The following CSMD1 variants were observed in gnomAD, a reference collection of about 807,000 sequenced individuals.
The protein encoded by CSMD1 is CUB and sushi domain-containing protein 1.
In CSMD1, 213 loss-of-function variants were observed where a neutral mutation model predicts 417.5. That is an observed-to-expected ratio of 0.51 (90% CI 0.46 to 0.57). The LOEUF (loss-of-function observed/expected upper bound fraction) is 0.57. Among genes scored for constraint, CSMD1 ranks in the 20% least tolerant of loss-of-function variants. The pLI is 0.00. For missense variants in CSMD1, 6,923 were observed against 4,529.7 expected, an observed-to-expected ratio of 1.53 and a Z score of -15.17; for synonymous variants, 2,862 against 1,736.8, an observed-to-expected ratio of 1.65 and a Z score of -16.11.
At chr8:3,304,716 T>G (rs1248022365) in intron 25 of CSMD1, among the ~76,000 whole-genome samples, 1 of 39,042 alleles carries the variant, frequency 2.6e-5, no homozygotes, top group Non-Finnish European at 6.7e-5. Flanking sequence ...ATTCAAATAT[T>G]TTTTTATTTT....
At chr8:3,165,799 G>C (rs1325312962) in intron 37 of CSMD1, among the ~76,000 whole-genome samples, 2 of 152,062 alleles carry the variant, frequency 1.3e-5, no homozygotes, top group African/African-American at 2.4e-5. Flanking sequence ...TGTTAAAATA[G>C]GGCAAGAGTG....
chr8:4,954,630 T>A (rs1217978866), intron 1 of CSMD1, among the ~76,000 whole-genome samples: 1 of 152,208 alleles, frequency 6.6e-6, no homozygotes, highest in African/African-American at 2.4e-5. Context: ...AATAAAATCC[T>A]ACCAAAAGCA....
intron 49 of CSMD1, among the ~76,000 whole-genome samples, chr8:3,086,343 A>C (rs1443048235): frequency 6.6e-6 from 1 of 152,186 alleles, no homozygotes; most frequent in Non-Finnish European, 1.5e-5. Flanking sequence ...TGTCTGATCA[A>C]CTTCTTACAG....
At chr8:2,964,660 T>A (rs948363032) in intron 59 of CSMD1, among the ~76,000 whole-genome samples, 2 of 152,230 alleles carry the variant, frequency 1.3e-5, no homozygotes, top group African/African-American at 4.8e-5. Flanking sequence ...CGACACAACG[T>A]AGTGCATTTT....
Position 3,963,398 on chromosome 8 carries a change from T to C in CSMD1, c.818+34505A>G, listed in dbSNP as rs1005962525. The stretch of plus-strand genomic sequence containing the variant: ...TTCAGTAATATATGACATCCTATAC[T>C]CCATGGTTCCTAAGTAGCTTGAAAA... On this transcript the variant is annotated intron_variant, in intron 5 of 69. Transcript: ENST00000635120. Among the ~76,000 whole-genome samples, 25 of 152,278 alleles carry C rather than the reference T, an allele frequency of 1.6e-4. No individual in the cohort carries two copies. In the East Asian group the frequency reaches 2.1e-3, roughly 13 times the overall value.
At chr8:4,353,478 T>C (rs921639771) in intron 3 of CSMD1, among the ~76,000 whole-genome samples, 1 of 152,034 alleles carries the variant, frequency 6.6e-6, no homozygotes, top group Non-Finnish European at 1.5e-5. Context: ...AATAATACAT[T>C]CTTTAATTAA....
rs571984359 is a variant in CSMD1, at chr8:4,795,252, C to CTTTTTTT, written c.86-157701_86-157695dup. Among the ~76,000 whole-genome samples the CTTTTTTT allele has an allele frequency of 5.0e-4, 23 of 46,248 alleles. 6 individuals carry two copies. The highest frequency in any genetic ancestry group is 7.2e-4 in the East Asian group (1 of 1,386). The allele number at this position is 46,248 out of a possible 152,430, so 30.3% of individuals were successfully genotyped here. A position where few individuals can be genotyped will look rare whatever the true frequency, so the allele number is the denominator to read the frequency against. On this transcript the variant is annotated intron_variant, in intron 1 of 69. Coordinates refer to ENST00000635120, the MANE Select transcript of CSMD1 (RefSeq NM_033225.6). ...ATTTCTAGGTCTGCTGGTGTCATAG[C>CTTTTTTT]TTTTTTTTTTTTTTTTTTTTTTTTT... is the stretch of plus-strand genomic sequence containing the variant.
intron 51 of CSMD1, among the ~76,000 whole-genome samples, chr8:3,027,082 T>G (rs1013969465): frequency 6.6e-6 from 1 of 152,122 alleles, no homozygotes; most frequent in Non-Finnish European, 1.5e-5. Context: ...AAAAAAAGAT[T>G]GACAAGCCCT....
chr8:3,314,886 C>T (rs1805630310), intron 23 of CSMD1, among the ~76,000 whole-genome samples: 1 of 152,222 alleles, frequency 6.6e-6, no homozygotes, highest in Non-Finnish European at 1.5e-5. Flanking sequence ...ATACATTAGG[C>T]TGAACAACGA....
intron 5 of CSMD1, among the ~76,000 whole-genome samples, chr8:3,906,908 T>C (rs1157102638): frequency 2.0e-5 from 3 of 152,228 alleles, no homozygotes. Context: ...AACATTATCC[T>C]GAACTTGACA....
intron 25 of CSMD1, among the ~76,000 whole-genome samples, chr8:3,292,519 G>C (rs965585232): frequency 1.3e-5 from 2 of 152,166 alleles, no homozygotes; most frequent in East Asian, 3.9e-4. Flanking sequence ...TCCTGTATTG[G>C]GTACATATAT....
intron 1 of CSMD1, among the ~76,000 whole-genome samples, chr8:4,901,940 T>C (rs898731868): frequency 6.6e-6 from 1 of 152,174 alleles, no homozygotes; most frequent in Non-Finnish European, 1.5e-5. Context: ...CAGATATTGA[T>C]CTTCACAACC....
chr8:3,633,435 G>C (rs967854935), intron 7 of CSMD1, among the ~76,000 whole-genome samples: 11 of 152,134 alleles, frequency 7.2e-5, no homozygotes, highest in Admixed American at 1.3e-4. Context: ...ACTCCCGGCA[G>C]GATAATGCAA....
At chr8:4,538,462 G>A (rs1452030004) in intron 2 of CSMD1, among the ~76,000 whole-genome samples, 1 of 151,950 alleles carries the variant, frequency 6.6e-6, no homozygotes, top group East Asian at 1.9e-4. Context: ...GGTCGACATG[G>A]TGAAACCCTG....
chr8:2,999,767 G>T (rs531716445), intron 53 of CSMD1, among the ~76,000 whole-genome samples, 191 bp downstream of exon 53: 2 of 139,978 alleles, frequency 1.4e-5, no homozygotes, highest in African/African-American at 6.4e-5. Flanking sequence ...GAAACAAAAC[G>T]GGAAGGAGAT....
chr8:3,463,114 C>T (rs548287382), intron 12 of CSMD1, among the ~76,000 whole-genome samples: 3 of 152,310 alleles, frequency 2.0e-5, no homozygotes, highest in South Asian at 4.1e-4. Context: ...ATTCCATTGT[C>T]GCCAAGCCAA....
At chr8:4,792,059 A>T (rs1449672175) in intron 1 of CSMD1, among the ~76,000 whole-genome samples, 3 of 152,198 alleles carry the variant, frequency 2.0e-5, no homozygotes, top group African/African-American at 7.2e-5. Flanking sequence ...CCCAAGATTC[A>T]CTGCCTGGTT....
chr8:3,605,704 AAC>A (rs1323600308), intron 8 of CSMD1, among the ~76,000 whole-genome samples: 1 of 152,254 alleles, frequency 6.6e-6, no homozygotes, highest in Non-Finnish European at 1.5e-5. Flanking sequence ...TAAGACAAAG[AAC>A]AGATGTTATT....
At position 3,937,345 on chromosome 8, in the gene CSMD1, T is replaced by C. The variant is rs567975708; in HGVS notation, c.818+60558A>G. Among the ~76,000 whole-genome samples, 13 of 152,286 alleles carry C rather than the reference T, an allele frequency of 8.5e-5. No individual in the cohort carries two copies. In the South Asian group the frequency reaches 2.7e-3, roughly 32 times the overall value. On this transcript the variant is annotated intron_variant, in intron 5 of 69. Transcript: ENST00000635120. ...AGCAACACATGCTATATAGAAATAT[T>C]TCATTAAAGGAGGAATCAACTGACG...
Sources: gnomAD v4.1 joint callset for allele counts (sites outside exome capture counted in the v4.1 genomes callset) on GRCh38, gnomAD v4.1.1 for gene constraint, MANE v1.5 for transcripts, NCBI Gene and HGNC (gene_info 2026-07-23, HGNC 2026-07-21) for gene names.